The following SNAP91 variants were observed in gnomAD, a reference collection of about 807,000 sequenced individuals.
The protein encoded by SNAP91 is synaptosome associated protein 91.
SNAP91 carries 27 observed loss-of-function variants against 100.3 expected under a neutral mutation model. The observed-to-expected ratio is 0.27, with a 90% CI of 0.20 to 0.37. The LOEUF (loss-of-function observed/expected upper bound fraction) is 0.37, where lower values mean the gene tolerates loss of function less well. Ranked by LOEUF, SNAP91 falls within the 10% of genes least tolerant of loss-of-function variation. SNAP91 has a pLI of 1.00. For missense variants in SNAP91, 986 were observed against 1,123.7 expected (o/e 0.88, Z 1.75); for synonymous variants, 404 against 398.6 (o/e 1.01, Z -0.16).
intron 26 of SNAP91, among the ~76,000 whole-genome samples, chr6:83,564,085 T>C (rs1367438004): frequency 6.6e-6 from 1 of 152,136 alleles, no homozygotes; most frequent in African/African-American, 2.4e-5. Flanking sequence ...GAATCACACT[T>C]CCTGGTTTCA....
chr6:83,593,548 A>G lies in SNAP91; in HGVS notation c.1626T>C (p.Ala542=), dbSNP rs1308792959. Reference sequence around the variant, plus strand: ...CGGAGGTGGTGGTAGTGGTGGTGGCAGCGGCGGTGGCAGCAGTAGTGGCAG... The same window carrying G: ...CGGAGGTGGTGGTAGTGGTGGTGGCGGCGGCGGTGGCAGCAGTAGTGGCAG... ...AAAATTAATA[A]ATTTTTTSAA... is the part of the protein sequence containing the mutation. The change falls in exon 18 of 30, where the codon GCT becomes GCC. Residue 542 remains alanine, a synonymous_variant. Transcript: ENST00000369694. 2.6e-6 allele frequency: 4 copies of G among 1,553,252 alleles called. No individual in the cohort carries two copies. The highest frequency in any genetic ancestry group is 2.0e-5 in the Admixed American group (1 of 51,162).
At chr6:83,657,930 C>CTTT (rs536763578) in intron 6 of SNAP91, among the ~76,000 whole-genome samples, 11 of 106,122 alleles carry the variant, frequency 1.0e-4, no homozygotes, top group Non-Finnish European at 1.9e-4. Flanking sequence ...CCACACCTTG[C>CTTT]TTTTTTTTTT....
intron 2 of SNAP91, among the ~76,000 whole-genome samples, chr6:83,683,210 T>A (rs2099016336): frequency 6.6e-6 from 1 of 152,100 alleles, no homozygotes; most frequent in African/African-American, 2.4e-5. Context: ...TCCCCCAATC[T>A]CTTAAATAAT....
At position 83,610,640 on chromosome 6, in the gene SNAP91, C is replaced by A; in HGVS notation, c.912+10G>T. On this transcript the variant is annotated intron_variant, in intron 12 of 29. Transcript: ENST00000369694. ...AAAACAAAAACCCCCAAACAAAAAA[C>A]CAAACTTACCTTACTTAATGGAGAG... 1.7e-6 allele frequency: 1 copy of A among 581,122 alleles called. No homozygotes were observed. The highest frequency in any genetic ancestry group is 3.2e-6 in the Non-Finnish European group (1 of 310,478). The allele number at this position is 581,122 out of a possible 1,614,324, so 36.0% of individuals were successfully genotyped here.
At chr6:83,589,751 G>T (rs925538628) in intron 22 of SNAP91, among the ~76,000 whole-genome samples, 1 of 152,134 alleles carries the variant, frequency 6.6e-6, no homozygotes, top group Admixed American at 6.5e-5. Flanking sequence ...GCTGGGCTAC[G>T]ACTACCTGCT....
intron 27 of SNAP91, 117 bp downstream of exon 27, chr6:83,560,747 A>T: frequency 1.2e-6 from 1 of 840,390 alleles, no homozygotes; most frequent in South Asian, 1.5e-5. Context: ...CAACTTTTTA[A>T]GTTTTACTTA....
At chr6:83,571,664 G>A (rs900034723) in intron 26 of SNAP91, among the ~76,000 whole-genome samples, 1 of 152,328 alleles carries the variant, frequency 6.6e-6, no homozygotes, top group African/African-American at 2.4e-5. Flanking sequence ...TGTCTCAGAT[G>A]AGACTCTGGA....
chr6:83,665,658 G>A (rs217302), intron 2 of SNAP91, 77 bp from the exon 3 acceptor site: 1,080,849 of 1,351,984 alleles, frequency 0.8, 434,183 homozygotes, highest in East Asian at 0.96. Context: ...GAACATATAA[G>A]CCTGTTTACT....
At chr6:83,575,351 T>C in intron 25 of SNAP91, 1 of 513,772 alleles carries the variant, frequency 1.9e-6, no homozygotes, top group South Asian at 2.4e-5. Context: ...CCTCAATAAG[T>C]ATAGGAATTT....
chr6:83,662,475 C>T (rs2098559221), intron 3 of SNAP91, 53 bp from the exon 4 acceptor site: 6 of 687,734 alleles, frequency 8.7e-6, no homozygotes, highest in Non-Finnish European at 1.1e-5. Context: ...TACTTTTAAA[C>T]AATTTCTGAC....
At chr6:83,567,236 G>C in intron 26 of SNAP91, among the ~76,000 whole-genome samples, 1 of 152,104 alleles carries the variant, frequency 6.6e-6, no homozygotes, top group East Asian at 1.9e-4. Context: ...GCTCAACTTT[G>C]TTAAATTTAT....
chr6:83,704,293 T>C (rs1294956734), intron 2 of SNAP91, among the ~76,000 whole-genome samples: 1 of 152,108 alleles, frequency 6.6e-6, no homozygotes, highest in Non-Finnish European at 1.5e-5. Flanking sequence ...CCAATATTGG[T>C]TAGGTATTTA....
In SNAP91 at chr6:83,594,428, C is replaced by T. The variant is rs200249566; in HGVS notation, c.1378G>A (p.Ala460Thr). The T allele has an allele frequency of 6.5e-4, 1,009 of 1,551,882 alleles. No individual in the cohort carries two copies. Among genetic ancestry groups the T allele is most frequent in the Non-Finnish European group, 8.2e-4 (945 of 1,147,182 alleles). The change falls in exon 17 of 30, where the codon GCA becomes ACA. Residue 460 changes from alanine to threonine, a missense_variant. By Grantham distance (58) the Ala-to-Thr change is moderately conservative. Transcript: ENST00000369694. Reference protein sequence around the residue: ...EAPAASEGAAAPATPTPVAAA... With the variant: ...EAPAASEGAATPATPTPVAAA... ...GCTACAGGGGTTGGGGTAGCTGGTG[C>T]GGCGGCCCCTTCGGATGCTGCAGGG... is the stretch of plus-strand genomic sequence containing the variant.
chr6:83,623,952 C>T (rs1183245052), intron 8 of SNAP91, among the ~76,000 whole-genome samples: 1 of 151,914 alleles, frequency 6.6e-6, no homozygotes, highest in Non-Finnish European at 1.5e-5. Flanking sequence ...ACAGAATATC[C>T]TCATTTAATA....
At chr6:83,571,936 G>A (rs1018953759) in intron 26 of SNAP91, among the ~76,000 whole-genome samples, 4 of 152,054 alleles carry the variant, frequency 2.6e-5, no homozygotes, top group Non-Finnish European at 5.9e-5. Flanking sequence ...GAGATCTGAT[G>A]GTTTAATAAG....
chr6:83,554,288 G>A lies in SNAP91; in HGVS notation c.*11-3C>T. The A allele has an allele frequency of 3.3e-6, 1 of 304,782 alleles. No homozygotes were observed. The highest frequency in any genetic ancestry group is 6.4e-6 in the Non-Finnish European group (1 of 157,068). 18.9% of individuals were successfully genotyped at this position (304,782 alleles called of 1,614,324 possible). On this transcript the variant is annotated splice_region_variant and splice_polypyrimidine_tract_variant and intron_variant, in intron 29 of 29. Coordinates refer to ENST00000369694, the MANE Select transcript of SNAP91 (RefSeq NM_001242792.2). Reference sequence around the variant, plus strand: ...CTATTCAGTCACAAATATTGCAGCTGTAAAGAAAACAAAAACTAGAATTAG... The same window carrying A: ...CTATTCAGTCACAAATATTGCAGCTATAAAGAAAACAAAAACTAGAATTAG...
chr6:83,666,949 G>T (rs1181926134), intron 2 of SNAP91, among the ~76,000 whole-genome samples: 3 of 152,024 alleles, frequency 2.0e-5, no homozygotes, highest in Non-Finnish European at 4.4e-5. Flanking sequence ...CCATATCACA[G>T]CTCCTTAAAA....
intron 8 of SNAP91, among the ~76,000 whole-genome samples, chr6:83,625,476 C>G (rs1286835988): frequency 6.6e-6 from 1 of 152,098 alleles, no homozygotes; most frequent in Non-Finnish European, 1.5e-5. Flanking sequence ...CTGCTTTCCA[C>G]AGTGGCTGAA....
At chr6:83,571,676 T>C (rs527707553) in intron 26 of SNAP91, among the ~76,000 whole-genome samples, 87 of 152,336 alleles carry the variant, frequency 5.7e-4, no homozygotes, top group Non-Finnish European at 6.3e-4. Flanking sequence ...GACTCTGGAC[T>C]GTGGATTTTT....
Sources: gnomAD v4.1 joint callset for allele counts (sites outside exome capture counted in the v4.1 genomes callset) on GRCh38, gnomAD v4.1.1 for gene constraint, MANE v1.5 for transcripts, NCBI Gene and HGNC (gene_info 2026-07-23, HGNC 2026-07-21) for gene names.